The following SMOC1 variants were observed in gnomAD, a reference collection of about 807,000 sequenced individuals.
SMOC1 encodes SPARC-related modular calcium-binding protein 1.
Under a neutral mutation model 56.3 loss-of-function variants are expected in SMOC1, and 22 were observed. The ratio of observed to expected loss-of-function variants is 0.39; its 90% CI spans 0.28 to 0.56. The LOEUF (loss-of-function observed/expected upper bound fraction) is 0.56, where lower values mean the gene tolerates loss of function less well. SMOC1 is among the 20% of genes least tolerant of loss of function. The probability of loss-of-function intolerance (pLI) is 0.61; values close to 1 mark genes in which losing one functional copy is unlikely to be tolerated. For synonymous variants in SMOC1, 193 were observed against 215.0 expected (o/e 0.90, Z 0.89); for missense variants, 509 against 565.4 (o/e 0.90, Z 1.01).
At chr14:69,988,335 T>G (rs1179141313) in intron 5 of SMOC1, among the ~76,000 whole-genome samples, 1 of 152,022 alleles carries the variant, frequency 6.6e-6, no homozygotes, top group African/African-American at 2.4e-5. Context: ...TATGGAAGAT[T>G]ATTATAGTAT....
At chr14:69,920,480 A>G (rs984480521) in intron 1 of SMOC1, among the ~76,000 whole-genome samples, 1 of 152,178 alleles carries the variant, frequency 6.6e-6, no homozygotes, top group Non-Finnish European at 1.5e-5. Context: ...ACATCTCAAC[A>G]GGTTCCTGTC....
At chr14:69,930,528 G>A (rs116120702) in intron 1 of SMOC1, among the ~76,000 whole-genome samples, 2 of 152,172 alleles carry the variant, frequency 1.3e-5, no homozygotes, top group Non-Finnish European at 1.5e-5. Context: ...GAACAACACC[G>A]AGTCAGTTCC....
chr14:69,992,038 G>C (rs227420), intron 5 of SMOC1, among the ~76,000 whole-genome samples: 67,215 of 151,890 alleles, frequency 0.44, 16,249 homozygotes, highest in African/African-American at 0.63. Flanking sequence ...CCAACCTTAT[G>C]CTAACATGCC....
At chr14:69,957,612 A>G (rs1192576152) in intron 3 of SMOC1, among the ~76,000 whole-genome samples, 4 of 152,256 alleles carry the variant, frequency 2.6e-5, no homozygotes, top group Non-Finnish European at 5.9e-5. Flanking sequence ...CTGTTGACCA[A>G]TCAATGAAAC....
At chr14:69,921,742 G>C (rs1336681980) in intron 1 of SMOC1, among the ~76,000 whole-genome samples, 1 of 152,170 alleles carries the variant, frequency 6.6e-6, no homozygotes, top group African/African-American at 2.4e-5. Context: ...TCACTGCATC[G>C]TTCAGCTGGA....
chr14:70,030,126 T>C (rs1287191191), intron 11 of SMOC1, 116 bp from the exon 12 acceptor site: 1 of 1,508,362 alleles, frequency 6.6e-7, no homozygotes, highest in African/African-American at 1.4e-5. Context: ...AAGGCTGCAC[T>C]TGTGGGGAAA....
At chr14:69,931,888 G>C (rs1885174218) in intron 1 of SMOC1, among the ~76,000 whole-genome samples, 1 of 152,212 alleles carries the variant, frequency 6.6e-6, no homozygotes. Flanking sequence ...TTAGCTGAGG[G>C]CTTTCTTCAC....
intron 1 of SMOC1, among the ~76,000 whole-genome samples, chr14:69,939,231 G>A (rs113523979): frequency 3.9e-4 from 59 of 152,334 alleles, no homozygotes; most frequent in African/African-American, 1.3e-3. Flanking sequence ...CAGGGCTGGG[G>A]AAGCCTCATA....
chr14:69,918,888 A>G (rs1270487358), intron 1 of SMOC1, among the ~76,000 whole-genome samples: 1 of 152,186 alleles, frequency 6.6e-6, no homozygotes, highest in Non-Finnish European at 1.5e-5. Context: ...TCCTCACAAG[A>G]TCACATACAA....
chr14:69,964,087 G>A (rs1261737598), intron 3 of SMOC1, among the ~76,000 whole-genome samples: 1 of 152,336 alleles, frequency 6.6e-6, no homozygotes, highest in Admixed American at 6.5e-5. Flanking sequence ...GCCACTGTGA[G>A]TCCTCTTCAG....
chr14:70,002,449 C>T (rs969563879), intron 7 of SMOC1, among the ~76,000 whole-genome samples: 4 of 152,180 alleles, frequency 2.6e-5, no homozygotes, highest in African/African-American at 9.7e-5. Context: ...TTTTCCTTGC[C>T]CTGGTAGAGC....
chr14:69,977,773 C>A, intron 4 of SMOC1, 145 bp from the exon 5 acceptor site: 1 of 730,542 alleles, frequency 1.4e-6, no homozygotes, highest in Non-Finnish European at 2.5e-6. Context: ...TATGTACTAA[C>A]ATTGTATATA....
chr14:69,967,012 T>C (rs562515225), intron 3 of SMOC1, among the ~76,000 whole-genome samples: 2 of 152,320 alleles, frequency 1.3e-5, no homozygotes, highest in East Asian at 3.9e-4. Flanking sequence ...TATAGCATCC[T>C]TCCTCACATT....
At chr14:70,016,861 C>T (rs1269355548) in intron 10 of SMOC1, among the ~76,000 whole-genome samples, 5 of 152,208 alleles carry the variant, frequency 3.3e-5, no homozygotes, top group Non-Finnish European at 5.9e-5. Context: ...TCTCAAGTAC[C>T]ACTCAATCTG....
At chr14:69,886,236 A>G in intron 1 of SMOC1, 1 of 661,632 alleles carries the variant, frequency 1.5e-6, no homozygotes, top group African/African-American at 1.8e-5. Context: ...TGAGCATCTT[A>G]ATATCAGGCC....
At chr14:69,968,038 G>A (rs10142998) in intron 3 of SMOC1, among the ~76,000 whole-genome samples, 57,486 of 152,060 alleles carry the variant, frequency 0.38, 11,229 homozygotes, top group African/African-American at 0.43. Context: ...TAATACTGCA[G>A]TCACTAGATT....
chr14:70,001,479 G>A (rs543054272), intron 7 of SMOC1, among the ~76,000 whole-genome samples: 2 of 152,288 alleles, frequency 1.3e-5, no homozygotes, highest in Admixed American at 1.3e-4. Flanking sequence ...TGCTGGCATA[G>A]TGATTATAAA....
chr14:69,976,580 G>A (rs1162130493), intron 4 of SMOC1, among the ~76,000 whole-genome samples: 3 of 152,084 alleles, frequency 2.0e-5, no homozygotes, highest in Admixed American at 2.0e-4. Flanking sequence ...TGCTTTTTAG[G>A]TCCATTTCAT....
At chr14:70,019,177 C>T (rs114489207) in intron 10 of SMOC1, among the ~76,000 whole-genome samples, 171 of 152,316 alleles carry the variant, frequency 1.1e-3, no homozygotes, top group African/African-American at 4.0e-3. Context: ...CTCCTTGGGG[C>T]CAGTTTGGGG....
Sources: allele counts gnomAD v4.1 joint callset (sites outside exome capture counted in the v4.1 genomes callset), GRCh38; gene constraint gnomAD v4.1.1; transcripts MANE v1.5; gene names NCBI Gene and HGNC (gene_info 2026-07-23, HGNC 2026-07-21).